Variants in SLC35A3 observed in about 807,000 individuals in gnomAD.
SLC35A3 encodes solute carrier family 35 member A3.
Under a neutral mutation model 39.0 loss-of-function variants are expected in SLC35A3, and 26 were observed. That is an observed-to-expected ratio of 0.67 (90% CI 0.49 to 0.92). SLC35A3 has a LOEUF of 0.92. Among genes scored for constraint, SLC35A3 ranks in the 40% least tolerant of loss-of-function variants. The pLI is 0.00. For missense variants in SLC35A3, 299 were observed against 371.6 expected, an observed-to-expected ratio of 0.80 and a Z score of 1.61; for synonymous variants, 135 against 133.1, an observed-to-expected ratio of 1.01 and a Z score of -0.10.
At chr1:100,006,248 T>C (rs1659222124) in intron 3 of SLC35A3, among the ~76,000 whole-genome samples, 1 of 152,136 alleles carries the variant, frequency 6.6e-6, no homozygotes, top group Non-Finnish European at 1.5e-5. Context: ...ATGCTGGTTC[T>C]TGGGTCTCCA....
At chr1:100,016,194 A>C (rs879536665) in intron 6 of SLC35A3, among the ~76,000 whole-genome samples, 3 of 150,116 alleles carry the variant, frequency 2.0e-5, no homozygotes, top group Admixed American at 6.7e-5. Context: ...CCTCCTGAGT[A>C]GCTGGGATTA....
intron 1 of SLC35A3, among the ~76,000 whole-genome samples, chr1:99,989,894 T>C (rs1163396277): frequency 6.6e-6 from 1 of 152,004 alleles, no homozygotes; most frequent in Non-Finnish European, 1.5e-5. Flanking sequence ...GCCTCTTGAA[T>C]GCTGGGACCA....
At chr1:99,988,294 T>G (rs1048494979) in intron 1 of SLC35A3, among the ~76,000 whole-genome samples, 3 of 152,188 alleles carry the variant, frequency 2.0e-5, no homozygotes, top group Admixed American at 2.0e-4. Flanking sequence ...TACAGTATAC[T>G]GTTTTGTTTA....
chr1:100,009,918 G>C (rs772587942), intron 4 of SLC35A3, among the ~76,000 whole-genome samples: 3 of 152,176 alleles, frequency 2.0e-5, no homozygotes, highest in Non-Finnish European at 4.4e-5. Context: ...TCTTGGACTT[G>C]AGCTCAGAAG....
At chr1:99,973,951 G>C (rs755725174) in intron 1 of SLC35A3, among the ~76,000 whole-genome samples, 4 of 150,196 alleles carry the variant, frequency 2.7e-5, no homozygotes, top group Non-Finnish European at 4.4e-5. Context: ...GGAGGCGGAG[G>C]TTGCAGTGAG....
Position 100,024,826 on chromosome 1 carries a change from A to G in SLC35A3, c.*2350A>G, listed in dbSNP as rs1660811083. ...AAAGACTGTTCTAATAGATATAAAA[A>G]CTGTAAAAAATAAGTATTTTTATAT... On this transcript the variant is annotated 3_prime_UTR_variant, in exon 8 of 8. Transcript: ENST00000533028. 5.1e-6 allele frequency: 2 copies of G among 391,828 alleles called. No homozygotes were observed. Among genetic ancestry groups the G allele is most frequent in the Non-Finnish European group, 9.0e-6 (2 of 222,406 alleles). 24.3% of individuals were successfully genotyped at this position (391,828 alleles called of 1,614,324 possible).
chr1:99,983,379 A>T (rs1323680551), intron 1 of SLC35A3, among the ~76,000 whole-genome samples: 1 of 151,846 alleles, frequency 6.6e-6, no homozygotes. Context: ...CTCTACTAAA[A>T]ATACAAAAAA....
At chr1:99,988,762 C>T (rs1000892239) in intron 1 of SLC35A3, among the ~76,000 whole-genome samples, 2 of 151,364 alleles carry the variant, frequency 1.3e-5, no homozygotes, top group African/African-American at 4.9e-5. Context: ...CCCTTCTCTC[C>T]TCTCTCCTAT....
At chr1:99,985,461 G>C (rs1657694082) in intron 1 of SLC35A3, among the ~76,000 whole-genome samples, 2 of 152,110 alleles carry the variant, frequency 1.3e-5, no homozygotes, top group Non-Finnish European at 2.9e-5. Context: ...CTGTTTTAGT[G>C]ACTATGGCCT....
intron 4 of SLC35A3, among the ~76,000 whole-genome samples, chr1:100,010,219 A>T (rs1659532323): frequency 6.6e-6 from 1 of 152,194 alleles, no homozygotes. Flanking sequence ...AGGAGAGAAC[A>T]CGGAAAAGAG....
At chr1:99,983,732 T>C (rs1196236965) in intron 1 of SLC35A3, among the ~76,000 whole-genome samples, 1 of 151,468 alleles carries the variant, frequency 6.6e-6, no homozygotes, top group East Asian at 2.0e-4. Context: ...TTCAAGCGAT[T>C]CTCCTGCCTC....
Position 100,005,063 on chromosome 1 carries a change from C to T in SLC35A3, c.343-1971C>T, listed in dbSNP as rs1025490017. On this transcript the variant is annotated intron_variant, in intron 3 of 7. Transcript: ENST00000533028. Reference sequence around the variant, plus strand: ...TGAGCCTCCACGCCCAGCCTGCATTCATTTTTTAACAATAGTTTCACTGCG... The same window carrying T: ...TGAGCCTCCACGCCCAGCCTGCATTTATTTTTTAACAATAGTTTCACTGCG... 2.0e-5 allele frequency among the ~76,000 whole-genome samples: 3 copies of T among 152,296 alleles called. No homozygotes were observed. The East Asian group carries it at 5.8e-4, about 29-fold the overall frequency.
At chr1:100,014,701 T>A (rs1659938190) in intron 5 of SLC35A3, among the ~76,000 whole-genome samples, 1 of 152,238 alleles carries the variant, frequency 6.6e-6, no homozygotes, top group East Asian at 1.9e-4. Context: ...AATTATCTAA[T>A]TTGTGCATTG....
intron 3 of SLC35A3, 29 bp from the exon 4 acceptor site, chr1:100,007,005 A>T (rs1170585211): frequency 1.3e-6 from 2 of 1,572,388 alleles, no homozygotes; most frequent in African/African-American, 2.7e-5. Flanking sequence ...ACAAACGAAC[A>T]TTAATAATAT....
intron 3 of SLC35A3, among the ~76,000 whole-genome samples, chr1:100,005,376 A>C (rs980842771): frequency 6.6e-6 from 1 of 152,224 alleles, no homozygotes; most frequent in Admixed American, 6.5e-5. Flanking sequence ...TTGATTGTTG[A>C]AACCAACAAA....
rs1228087675 is a variant in SLC35A3 at position 100,024,844 on chromosome 1, T to C, written c.*2368T>C. On this transcript the variant is annotated 3_prime_UTR_variant, in exon 8 of 8. Coordinates refer to ENST00000533028, the MANE Select transcript of SLC35A3 (RefSeq NM_012243.3). ...TATAAAAACTGTAAAAAATAAGTAT[T>C]TTTATATAGCTCTCATGGATTTTAT... 1 of 387,362 alleles carries C rather than the reference T, an allele frequency of 2.6e-6. No homozygotes were observed. The highest frequency in any genetic ancestry group is 4.6e-6 in the Non-Finnish European group (1 of 219,676). 24.0% of individuals were successfully genotyped at this position (387,362 alleles called of 1,614,324 possible).
chr1:100,002,089 T>C (rs1444275559), intron 3 of SLC35A3, among the ~76,000 whole-genome samples: 2 of 152,208 alleles, frequency 1.3e-5, no homozygotes, highest in African/African-American at 2.4e-5. Context: ...TTTTGCTGTG[T>C]GCTTGTCTGG....
At chr1:99,997,410 T>A (rs1050836099) in intron 2 of SLC35A3, among the ~76,000 whole-genome samples, 2,446 of 91,316 alleles carry the variant, frequency 0.027, 96 homozygotes, top group African/African-American at 0.075. Flanking sequence ...ATATATAGTT[T>A]TATATATATA....
intron 1 of SLC35A3, chr1:99,970,404 G>A (rs1006484266): frequency 3.2e-5 from 20 of 628,728 alleles, no homozygotes; most frequent in Non-Finnish European, 5.0e-5. Context: ...CTGGGTGGAG[G>A]AGGAAAAAAG....
Sources: allele counts gnomAD v4.1 joint callset (sites outside exome capture counted in the v4.1 genomes callset), GRCh38; gene constraint gnomAD v4.1.1; transcripts MANE v1.5; gene names NCBI Gene and HGNC (gene_info 2026-07-23, HGNC 2026-07-21).